TNRC6C: variants seen among roughly 807,000 people sequenced by gnomAD.
The protein encoded by TNRC6C is trinucleotide repeat-containing gene 6C protein.
TNRC6C carries 20 observed loss-of-function variants against 153.7 expected under a neutral mutation model. That is an observed-to-expected ratio of 0.13 (90% CI 0.09 to 0.19). TNRC6C has a LOEUF of 0.19. Among genes scored for constraint, TNRC6C ranks in the 10% least tolerant of loss-of-function variants. The pLI is 1.00. For synonymous variants in TNRC6C, 811 were observed against 841.4 expected (o/e 0.96, Z 0.63); for missense variants, 1,987 against 2,172.0 (o/e 0.91, Z 1.69).
intron 1 of TNRC6C, among the ~76,000 whole-genome samples, chr17:77,979,987 A>C (rs1378780329): frequency 6.6e-6 from 1 of 152,188 alleles, no homozygotes; most frequent in Non-Finnish European, 1.5e-5. Context: ...TTCAAAAATG[A>C]AGTGAGAATA....
chr17:78,000,235 A>G (rs2071390066), upstream of TNRC6C, among the ~76,000 whole-genome samples: 1 of 152,162 alleles, frequency 6.6e-6, no homozygotes, highest in Non-Finnish European at 1.5e-5. Context: ...CTAAATCTCA[A>G]GCATACTCTC....
chr17:78,070,046 C>A (rs750472258), intron 5 of TNRC6C, among the ~76,000 whole-genome samples: 1 of 151,928 alleles, frequency 6.6e-6, no homozygotes, highest in Non-Finnish European at 1.5e-5. Flanking sequence ...TATTCATGTT[C>A]AAAAAAATAT....
At chr17:77,997,915 A>G (rs929769604) in intron 1 of TNRC6C, among the ~76,000 whole-genome samples, 3 of 152,072 alleles carry the variant, frequency 2.0e-5, no homozygotes, top group Admixed American at 6.5e-5. Context: ...CGGCCTCCCA[A>G]CGTGCTGGGA....
Position 78,049,429 on chromosome 17 carries a change from C to T in TNRC6C, c.367C>T (p.Pro123Ser). 6.2e-7 allele frequency: 1 copy of T among 1,614,008 alleles called. No individual in the cohort carries two copies. The highest frequency in any genetic ancestry group is 8.5e-7 in the Non-Finnish European group (1 of 1,179,878). The change falls in exon 3 of 20, where the codon CCT becomes TCT. Residue 123 changes from proline to serine, a missense_variant. This residue lies in a region of TNRC6C where 1,052 missense variants were observed against 1,017.0 expected (regional missense o/e 1.03). Transcript: ENST00000301624. The surrounding 1 kb of genome is among the most constrained non-coding windows in gnomAD (Gnocchi z 4.1). Reference sequence around the variant, plus strand: ...TGAAGGAACCGTGGCGACAGGCAACCCTTCCAGTATTTGCAGTCCAGTCAG... The same window carrying T: ...TGAAGGAACCGTGGCGACAGGCAACTCTTCCAGTATTTGCAGTCCAGTCAG...
upstream of TNRC6C, chr17:78,004,097 G>A (rs999804585): frequency 2.6e-5 from 32 of 1,229,648 alleles, no homozygotes; most frequent in Middle Eastern, 3.1e-4. Context: ...AAGATTTGGA[G>A]CAGCTAGTGC....
intron 1 of TNRC6C, among the ~76,000 whole-genome samples, chr17:77,986,849 A>C (rs2071176524): frequency 6.6e-6 from 1 of 152,202 alleles, no homozygotes; most frequent in African/African-American, 2.4e-5. Context: ...AATGACTCCC[A>C]GGCACTGTTA....
At chr17:77,967,945 A>C (rs1034688756) in intron 1 of TNRC6C, among the ~76,000 whole-genome samples, 4 of 152,220 alleles carry the variant, frequency 2.6e-5, no homozygotes, top group African/African-American at 9.6e-5. Flanking sequence ...CTTTTTCTTG[A>C]AATCAATTTA....
intron 1 of TNRC6C, among the ~76,000 whole-genome samples, chr17:77,978,885 A>G (rs996238812): frequency 6.6e-6 from 1 of 152,348 alleles, no homozygotes; most frequent in Non-Finnish European, 1.5e-5. Context: ...AATAGATTAA[A>G]GTGATTCACC....
At chr17:78,019,498 A>C (rs1285417192) in intron 1 of TNRC6C, among the ~76,000 whole-genome samples, 1 of 152,204 alleles carries the variant, frequency 6.6e-6, no homozygotes, top group Non-Finnish European at 1.5e-5. Flanking sequence ...AAATCCTTGG[A>C]AAGAAAATTG....
At chr17:78,056,503 G>T (rs1364813648) in intron 3 of TNRC6C, among the ~76,000 whole-genome samples, 1 of 148,060 alleles carries the variant, frequency 6.8e-6, no homozygotes, top group Non-Finnish European at 1.5e-5. Flanking sequence ...TTGCTCTGTT[G>T]CCCAGGCTAG....
intron 1 of TNRC6C, among the ~76,000 whole-genome samples, chr17:77,979,854 G>T (rs1306137850): frequency 6.6e-6 from 1 of 152,200 alleles, no homozygotes; most frequent in East Asian, 1.9e-4. Context: ...CAAAGGAGCG[G>T]CAGTAAAGAC....
chr17:78,086,834 CTA>C lies in TNRC6C; in HGVS notation c.3562-17_3562-16del. 6.2e-7 allele frequency: 1 copy of C among 1,609,652 alleles called. No individual in the cohort carries two copies. Among genetic ancestry groups the C allele is most frequent in the South Asian group, 1.1e-5 (1 of 90,752 alleles). On this transcript the variant is annotated splice_polypyrimidine_tract_variant and intron_variant, in intron 12 of 19. Transcript: ENST00000301624. ...GTCCCTTCCCACCTAGTTAACGCAC[CTA>C]TGTCTCTGCCTGCCAGGTTGCGCGC...
intron 2 of TNRC6C, among the ~76,000 whole-genome samples, chr17:78,043,626 T>G (rs1417364196): frequency 6.6e-6 from 1 of 152,198 alleles, no homozygotes; most frequent in African/African-American, 2.4e-5. Context: ...TGAAATTATT[T>G]TTAGCTATAG....
intron 1 of TNRC6C, among the ~76,000 whole-genome samples, chr17:78,012,439 C>G (rs1348163412): frequency 6.6e-6 from 1 of 151,814 alleles, no homozygotes. Context: ...TCAAGCCCCC[C>G]ATGACATGAG....
At chr17:77,995,822 C>G (rs1598660913) in intron 1 of TNRC6C, among the ~76,000 whole-genome samples, 2 of 152,176 alleles carry the variant, frequency 1.3e-5, no homozygotes, top group Non-Finnish European at 2.9e-5. Flanking sequence ...TGACTTTAAA[C>G]TCAGAAATCA....
At chr17:77,973,416 C>T (rs2070957109) in intron 1 of TNRC6C, among the ~76,000 whole-genome samples, 1 of 152,166 alleles carries the variant, frequency 6.6e-6, no homozygotes, top group East Asian at 1.9e-4. Flanking sequence ...TGACGGAATG[C>T]TTTCTCTCCA....
At position 78,066,073 on chromosome 17, in the gene TNRC6C, A is replaced by G. The variant is rs2072870858; in HGVS notation, c.2611+1136A>G. ...AGGTGAAACCCCATCTCTACTAAAA[A>G]TACAAAAATTAGCTGGACATAGTGA... On this transcript the variant is annotated intron_variant, in intron 4 of 19. Transcript: ENST00000301624. Among the ~76,000 whole-genome samples, 3 of 152,096 alleles carry G rather than the reference A, an allele frequency of 2.0e-5. No individual in the cohort carries two copies. In the South Asian group the frequency reaches 6.2e-4, roughly 32 times the overall value.
At chr17:78,045,149 T>C (rs894241095) in intron 2 of TNRC6C, among the ~76,000 whole-genome samples, 6 of 152,134 alleles carry the variant, frequency 3.9e-5, no homozygotes, top group African/African-American at 1.4e-4. Flanking sequence ...TTATTGTGGG[T>C]GGGGCAGTAG....
upstream of TNRC6C, among the ~76,000 whole-genome samples, chr17:77,958,602 T>G (rs1379398754): frequency 6.6e-6 from 1 of 151,418 alleles, no homozygotes; most frequent in Non-Finnish European, 1.5e-5. Context: ...GGGAGTCACG[T>G]GCTAGGGGCC....
Sources: gnomAD v4.1 joint callset for allele counts (sites outside exome capture counted in the v4.1 genomes callset) on GRCh38, gnomAD v4.1.1 for gene constraint, gnomAD v4.1.1 regional missense constraint, Gnocchi (gnomAD v3.1) non-coding constraint, MANE v1.5 for transcripts, NCBI Gene and HGNC (gene_info 2026-07-23, HGNC 2026-07-21) for gene names.